Variants in RAB11A observed in about 807,000 individuals in gnomAD.
RAB11A encodes the protein RAB11A, member RAS oncogene family.
In RAB11A, 9 loss-of-function variants were observed where a neutral mutation model predicts 28.0. The ratio of observed to expected loss-of-function variants is 0.32; its 90% CI spans 0.19 to 0.56. RAB11A has a LOEUF of 0.56. Among genes scored for constraint, RAB11A ranks in the 20% least tolerant of loss-of-function variants. RAB11A has a pLI of 0.91. For synonymous variants in RAB11A, 85 were observed against 88.2 expected, an observed-to-expected ratio of 0.96 and a Z score of 0.20; for missense variants, 108 against 269.6, an observed-to-expected ratio of 0.40 and a Z score of 4.20.
Position 65,869,576 on chromosome 15 carries a change from C to G in RAB11A, c.-10C>G. Reference sequence around the variant, plus strand: ...CTGCTGCTCCCGCCCTTTCGCTCCTCGGCCGCGCAATGGGCACCCGCGACG... The same window carrying G: ...CTGCTGCTCCCGCCCTTTCGCTCCTGGGCCGCGCAATGGGCACCCGCGACG... On this transcript the variant is annotated 5_prime_UTR_variant, in exon 1 of 5. Transcript: ENST00000261890. 6.2e-7 allele frequency: 1 copy of G among 1,610,692 alleles called. No homozygotes were observed. The highest frequency in any genetic ancestry group is 8.5e-7 in the Non-Finnish European group (1 of 1,179,806).
rs572905643 is a variant in RAB11A at position 65,882,902 on chromosome 15, A to G, written c.511+3151A>G. 1.4e-4 allele frequency among the ~76,000 whole-genome samples: 22 copies of G among 152,340 alleles called. 1 individual carries two copies. The highest frequency in any genetic ancestry group is 1.4e-3 in the Admixed American group (21 of 15,294). ...ATTTCAAATTTAAAGAGGTTGAAAT[A>G]ATAGTAAAAAGAATTTGCAAATATC... is the stretch of plus-strand genomic sequence containing the variant. On this transcript the variant is annotated intron_variant, in intron 4 of 4. Coordinates refer to ENST00000261890, the MANE Select transcript of RAB11A (RefSeq NM_004663.5).
intron 4 of RAB11A, among the ~76,000 whole-genome samples, chr15:65,884,234 A>AAAAGG (rs944056361): frequency 6.6e-6 from 1 of 152,218 alleles, no homozygotes; most frequent in Admixed American, 6.5e-5. Flanking sequence ...AAGGCTAAAG[A>AAAAGG]AAAGGATTTA....
chr15:65,886,216 GT>G (rs1363561334), intron 4 of RAB11A, among the ~76,000 whole-genome samples: 3 of 152,190 alleles, frequency 2.0e-5, no homozygotes, highest in Non-Finnish European at 4.4e-5. Context: ...AGATGGAATT[GT>G]TTTGTATCTG....
Position 65,876,910 on chromosome 15 carries a change from ATACAT to A in RAB11A, c.41-415_41-411del, listed in dbSNP as rs1254347530. Among the ~76,000 whole-genome samples the A allele has an allele frequency of 3.3e-5, 5 of 152,264 alleles. No homozygotes were observed. In the South Asian group the frequency reaches 1.0e-3, roughly 32 times the overall value. On this transcript the variant is annotated intron_variant, in intron 1 of 4. Transcript: ENST00000261890. ...ACAGCCTTTGTTGTTTTCATTTCTG[ATACAT>A]TACATTTTAATATCATAAATTATTC...
At chr15:65,870,864 C>T (rs1451159032) in intron 1 of RAB11A, among the ~76,000 whole-genome samples, 2 of 151,356 alleles carry the variant, frequency 1.3e-5, no homozygotes, top group Admixed American at 6.6e-5. Flanking sequence ...GGAAGGAATC[C>T]GGTTTTTTTT....
chr15:65,886,287 T>A (rs1203054001), intron 4 of RAB11A, among the ~76,000 whole-genome samples: 1 of 152,224 alleles, frequency 6.6e-6, no homozygotes, highest in Non-Finnish European at 1.5e-5. Context: ...GCTAGTTAGA[T>A]GAGGAATTGG....
intron 1 of RAB11A, among the ~76,000 whole-genome samples, chr15:65,870,866 G>T (rs1183325328): frequency 6.8e-6 from 1 of 147,182 alleles, no homozygotes; most frequent in East Asian, 2.0e-4. Context: ...AAGGAATCCG[G>T]TTTTTTTTTT....
chr15:65,874,451 G>A (rs2078180429), intron 1 of RAB11A, among the ~76,000 whole-genome samples: 1 of 152,072 alleles, frequency 6.6e-6, no homozygotes. Flanking sequence ...ATGTTGGTCA[G>A]GCTGGTCTCA....
At chr15:65,874,122 A>T (rs2078178487) in intron 1 of RAB11A, among the ~76,000 whole-genome samples, 1 of 152,216 alleles carries the variant, frequency 6.6e-6, no homozygotes, top group African/African-American at 2.4e-5. Context: ...GAAATTTTCA[A>T]TGGATAATTA....
At position 65,877,329 on chromosome 15, in the gene RAB11A, C is replaced by T; in HGVS notation, c.41-3C>T. 1 of 1,606,758 alleles carries T rather than the reference C, an allele frequency of 6.2e-7. No individual in the cohort carries two copies. Among genetic ancestry groups the T allele is most frequent in the Non-Finnish European group, 8.5e-7 (1 of 1,175,238 alleles). ...TCTGACATTGAATTCTTTGTCTTTC[C>T]AGTTGTCCTTATTGGAGATTCTGGT... On this transcript the variant is annotated splice_region_variant and splice_polypyrimidine_tract_variant and intron_variant, in intron 1 of 4. Coordinates refer to ENST00000261890, the MANE Select transcript of RAB11A (RefSeq NM_004663.5). The surrounding 1 kb of genome is among the most constrained non-coding windows in gnomAD (Gnocchi z 4.1).
In RAB11A at chr15:65,877,280, T is replaced by G. The variant is rs1596785339; in HGVS notation, c.41-52T>G. 1.4e-6 allele frequency: 2 copies of G among 1,425,980 alleles called. No individual in the cohort carries two copies. The highest frequency in any genetic ancestry group is 2.4e-5 in the East Asian group (1 of 42,150). 88.3% of individuals were successfully genotyped at this position (1,425,980 alleles called of 1,614,324 possible). ...TCATTCTGTTGAAAGCATAGTGGTG[T>G]TCTGAATATGTTTGCCTCATTCATC... On this transcript the variant is annotated intron_variant, in intron 1 of 4. Coordinates refer to ENST00000261890, the MANE Select transcript of RAB11A (RefSeq NM_004663.5). The surrounding 1 kb of genome is among the most constrained non-coding windows in gnomAD (Gnocchi z 4.1).
Position 65,877,846 on chromosome 15 carries a change from A to G in RAB11A, c.321A>G (p.Lys107=). 6.2e-7 allele frequency: 1 copy of G among 1,611,916 alleles called. No homozygotes were observed. Among genetic ancestry groups the G allele is most frequent in the South Asian group, 1.1e-5 (1 of 91,042 alleles). Residue 107 remains lysine, a synonymous_variant, in exon 3 of 5, where the codon AAA becomes AAG. Coordinates refer to ENST00000261890, the MANE Select transcript of RAB11A (RefSeq NM_004663.5). The surrounding 1 kb of genome is among the most constrained non-coding windows in gnomAD (Gnocchi z 4.1). ...LTYENVERWL[K]ELRDHADSNI... ...ATGAAAATGTAGAGCGATGGCTGAA[A>G]GAACTGAGAGATCATGCTGATAGTA...
rs2078275554 is a variant in RAB11A at position 65,889,613 on chromosome 15, T to C, written c.*1773T>C. 6.6e-6 allele frequency: 1 copy of C among 152,226 alleles called. No individual in the cohort carries two copies. The highest frequency in any genetic ancestry group is 1.5e-5 in the Non-Finnish European group (1 of 68,030). The allele number at this position is 152,226 out of a possible 1,614,324, so 9.4% of individuals were successfully genotyped here. ...TGATTTTAGAACTGCAGTTCAATTATGCTTTCCTTGGAAAAAGTATGTCCA... is the reference window on the plus strand; with the variant it reads ...TGATTTTAGAACTGCAGTTCAATTACGCTTTCCTTGGAAAAAGTATGTCCA... On this transcript the variant is annotated 3_prime_UTR_variant, in exon 5 of 5. Coordinates refer to ENST00000261890, the MANE Select transcript of RAB11A (RefSeq NM_004663.5).
Position 65,887,862 on chromosome 15 carries a change from A to T in RAB11A, c.*22A>T. ...CTAAGGCATTTCTCTTCTCCCCTAG[A>T]AGGCTGTGTATAGTCCATTTCCCAG... On this transcript the variant is annotated 3_prime_UTR_variant, in exon 5 of 5. Transcript: ENST00000261890. 8 of 1,593,976 alleles carry T rather than the reference A, an allele frequency of 5.0e-6. No individual in the cohort carries two copies. The highest frequency in any genetic ancestry group is 6.8e-6 in the Non-Finnish European group (8 of 1,171,830).
At chr15:65,878,648 G>A (rs945460480) in intron 3 of RAB11A, among the ~76,000 whole-genome samples, 1 of 152,158 alleles carries the variant, frequency 6.6e-6, no homozygotes, top group Non-Finnish European at 1.5e-5. Flanking sequence ...ACTGCAGTCC[G>A]GCCTGGGCGA....
chr15:65,869,522 AGCG>A lies in RAB11A; in HGVS notation c.-63_-61del. ...AGCTCGGCGCTCGGGTTACCCCTGC[AGCG>A]ACGCCCCCTGGTCCCACAGATACCA... On this transcript the variant is annotated 5_prime_UTR_variant, in exon 1 of 5. Coordinates refer to ENST00000261890, the MANE Select transcript of RAB11A (RefSeq NM_004663.5). 1 of 1,585,406 alleles carries A rather than the reference AGCG, an allele frequency of 6.3e-7. No individual in the cohort carries two copies. The highest frequency in any genetic ancestry group is 8.6e-7 in the Non-Finnish European group (1 of 1,167,052).
chr15:65,881,877 T>TAAAAA (rs57352123), intron 4 of RAB11A, among the ~76,000 whole-genome samples: 11 of 86,376 alleles, frequency 1.3e-4, no homozygotes, highest in Non-Finnish European at 2.1e-4. Context: ...ACCCTGTCTC[T>TAAAAA]AAAAAAAAAA....
intron 4 of RAB11A, among the ~76,000 whole-genome samples, chr15:65,884,863 G>T (rs1020236556): frequency 6.6e-6 from 1 of 151,110 alleles, no homozygotes; most frequent in African/African-American, 2.4e-5. Context: ...TTTTGTGGGG[G>T]TGGGGGGGTA....
chr15:65,886,514 C>T (rs1221505959), intron 4 of RAB11A, among the ~76,000 whole-genome samples: 1 of 152,114 alleles, frequency 6.6e-6, no homozygotes, highest in Non-Finnish European at 1.5e-5. Context: ...TAATTTGACA[C>T]ATTTTTAGAA....
Sources: gnomAD v4.1 joint callset for allele counts (sites outside exome capture counted in the v4.1 genomes callset) on GRCh38, gnomAD v4.1.1 for gene constraint, Gnocchi (gnomAD v3.1) non-coding constraint, MANE v1.5 for transcripts, NCBI Gene and HGNC (gene_info 2026-07-23, HGNC 2026-07-21) for gene names.